The following NCK1 variants were observed in gnomAD, a reference collection of about 807,000 sequenced individuals.
NCK1 encodes NCK adaptor protein 1.
Under a neutral mutation model 36.6 loss-of-function variants are expected in NCK1, and 19 were observed. The ratio of observed to expected loss-of-function variants is 0.52; its 90% CI spans 0.36 to 0.76. NCK1 has a LOEUF of 0.76. Among genes scored for constraint, NCK1 ranks in the 30% least tolerant of loss-of-function variants. The pLI is 0.00. For missense variants in NCK1, 358 were observed against 445.6 expected (o/e 0.80, Z 1.77); for synonymous variants, 165 against 156.0 (o/e 1.06, Z -0.43).
chr3:136,867,888 C>G (rs1400853957), intron 1 of NCK1, among the ~76,000 whole-genome samples: 1 of 151,276 alleles, frequency 6.6e-6, no homozygotes, highest in East Asian at 2.0e-4. Context: ...TTGAAAACTT[C>G]AGGGCAGGGG....
chr3:136,867,112 CTTTCTTTGTTTCT>C (rs1383355970), intron 1 of NCK1, among the ~76,000 whole-genome samples: 402 of 29,880 alleles, frequency 0.013, 29 homozygotes, highest in East Asian at 0.017. Context: ...TTCTTTCTTT[CTTTCTTTGTTTCT>C]TTCTTTCCTT....
chr3:136,898,328 C>T (rs1433511608), intron 1 of NCK1, among the ~76,000 whole-genome samples: 2 of 139,760 alleles, frequency 1.4e-5, no homozygotes, highest in Admixed American at 7.9e-5. Context: ...ACCCGGGAGG[C>T]GGAGGTTCCA....
intron 1 of NCK1, chr3:136,867,405 A>ATTTTTTTTT (rs34322362): frequency 2.0e-5 from 2 of 101,590 alleles, no homozygotes; most frequent in South Asian, 3.3e-4. Context: ...TGTCTGGCTA[A>ATTTTTTTTT]TTTTTTTTTT....
At chr3:136,886,516 T>C (rs1939077763) in intron 1 of NCK1, among the ~76,000 whole-genome samples, 1 of 152,202 alleles carries the variant, frequency 6.6e-6, no homozygotes, top group Non-Finnish European at 1.5e-5. Flanking sequence ...AAAAAACGTC[T>C]GTATATGTTT....
chr3:136,872,231 A>C (rs1266807230), intron 1 of NCK1, among the ~76,000 whole-genome samples: 1 of 152,212 alleles, frequency 6.6e-6, no homozygotes. Context: ...CATAAAGTCC[A>C]GGCTGAGGTG....
At position 136,929,296 on chromosome 3, in the gene NCK1, A is replaced by G. The variant is rs1210019104; in HGVS notation, c.226+1069A>G. On this transcript the variant is annotated intron_variant, in intron 2 of 3. Coordinates refer to ENST00000481752, the MANE Select transcript of NCK1 (RefSeq NM_001291999.2). ...ATGTTCTTCTAATTATCAATAAAAT[A>G]CAAATATTTAATGTTTTTAACCATT... is the stretch of plus-strand genomic sequence containing the variant. Among the ~76,000 whole-genome samples the G allele has an allele frequency of 2.6e-5, 4 of 152,238 alleles. No homozygotes were observed. In the East Asian group the frequency reaches 7.7e-4, roughly 29 times the overall value.
chr3:136,881,250 C>T (rs916783880), intron 1 of NCK1, among the ~76,000 whole-genome samples: 5 of 152,104 alleles, frequency 3.3e-5, no homozygotes, highest in Non-Finnish European at 5.9e-5. Context: ...GATGGAGTCT[C>T]ACTCTGTCAC....
intron 1 of NCK1, among the ~76,000 whole-genome samples, chr3:136,910,491 C>G (rs1036404955): frequency 1.3e-5 from 2 of 152,106 alleles, no homozygotes; most frequent in African/African-American, 4.8e-5. Context: ...CTGAATAAAC[C>G]TCAGAGTTAC....
At chr3:136,879,989 T>TAAAAAAAAAAAAAA (rs891612999) in intron 1 of NCK1, among the ~76,000 whole-genome samples, 4 of 119,516 alleles carry the variant, frequency 3.3e-5, no homozygotes, top group Non-Finnish European at 3.3e-5. Flanking sequence ...TAAAGAATAT[T>TAAAAAAAAAAAAAA]AAAAAAAAAA....
chr3:136,940,962 G>A (rs1173319441), intron 2 of NCK1, among the ~76,000 whole-genome samples: 1 of 152,078 alleles, frequency 6.6e-6, no homozygotes, highest in Non-Finnish European at 1.5e-5. Context: ...TCTAAAGTGA[G>A]TGTCTTGCAG....
At chr3:136,935,502 T>C (rs1438339655) in intron 2 of NCK1, among the ~76,000 whole-genome samples, 2 of 152,162 alleles carry the variant, frequency 1.3e-5, no homozygotes, top group Non-Finnish European at 2.9e-5. Flanking sequence ...ATTGCAGCTT[T>C]ATTTATAGGA....
chr3:136,920,908 C>G (rs573459128), intron 1 of NCK1, among the ~76,000 whole-genome samples: 3 of 152,094 alleles, frequency 2.0e-5, no homozygotes, highest in African/African-American at 4.8e-5. Flanking sequence ...TTTTAAATTT[C>G]TAAAAAATTG....
intron 2 of NCK1, among the ~76,000 whole-genome samples, chr3:136,942,445 G>T (rs1179152078): frequency 6.6e-6 from 1 of 152,154 alleles, no homozygotes. Context: ...TAATCAGCTA[G>T]GGTTTTAACA....
chr3:136,866,932 AT>A (rs11294236), intron 1 of NCK1, among the ~76,000 whole-genome samples: 103,454 of 151,436 alleles, frequency 0.68, 35,599 homozygotes, highest in East Asian at 0.87. Flanking sequence ...AGTCTTTAAA[AT>A]TTTTTTTTTC....
At chr3:136,895,724 C>T (rs1248010486) in intron 1 of NCK1, among the ~76,000 whole-genome samples, 1 of 152,006 alleles carries the variant, frequency 6.6e-6, no homozygotes, top group Admixed American at 6.6e-5. Context: ...ACCACCACAC[C>T]CCGCTAATTT....
chr3:136,927,704 A>T (rs947619948), intron 1 of NCK1, among the ~76,000 whole-genome samples: 1 of 152,104 alleles, frequency 6.6e-6, no homozygotes, highest in African/African-American at 2.4e-5. Context: ...GTATTTTAGT[A>T]CAGATGGGGT....
chr3:136,906,293 A>G (rs750101994), intron 1 of NCK1, among the ~76,000 whole-genome samples: 8 of 152,030 alleles, frequency 5.3e-5, no homozygotes, highest in South Asian at 2.1e-4. Flanking sequence ...TTAACTTTCA[A>G]TAAAAGAGGT....
intron 1 of NCK1, among the ~76,000 whole-genome samples, chr3:136,874,460 G>C (rs545495727): frequency 6.6e-6 from 1 of 152,170 alleles, no homozygotes; most frequent in African/African-American, 2.4e-5. Context: ...GATTACAGGC[G>C]TGAGCCACCA....
intron 2 of NCK1, among the ~76,000 whole-genome samples, chr3:136,935,749 TA>T (rs1940512891): frequency 6.6e-6 from 1 of 152,216 alleles, no homozygotes; most frequent in Admixed American, 6.5e-5. Context: ...TTAACCATTT[TA>T]AAGTATGTAA....
Sources: allele counts gnomAD v4.1 joint callset (sites outside exome capture counted in the v4.1 genomes callset), GRCh38; gene constraint gnomAD v4.1.1; transcripts MANE v1.5; gene names NCBI Gene and HGNC (gene_info 2026-07-23, HGNC 2026-07-21).